Variants in PCDHA7 observed in about 807,000 individuals in gnomAD.
PCDHA7 encodes protocadherin alpha-7.
Under a neutral mutation model 57.2 loss-of-function variants are expected in PCDHA7, and 37 were observed. That is an observed-to-expected ratio of 0.65 (90% CI 0.50 to 0.85). The LOEUF is 0.85. Ranked by LOEUF, PCDHA7 falls within the 40% of genes least tolerant of loss-of-function variation. The probability of loss-of-function intolerance (pLI) is 0.00; values close to 1 mark genes in which losing one functional copy is unlikely to be tolerated. For synonymous variants in PCDHA7, 553 were observed against 558.8 expected (o/e 0.99, Z 0.15); for missense variants, 1,188 against 1,241.8 (o/e 0.96, Z 0.65).
At chr5:140,902,085 GT>G (rs1225919893) in intron 1 of PCDHA7, among the ~76,000 whole-genome samples, 1 of 151,518 alleles carries the variant, frequency 6.6e-6, no homozygotes, top group African/African-American at 2.4e-5. Context: ...TGTTTTAATA[GT>G]TTTTTGGAGT....
intron 3 of PCDHA7, among the ~76,000 whole-genome samples, chr5:140,987,362 A>G (rs1490856237): frequency 6.6e-6 from 1 of 152,208 alleles, no homozygotes; most frequent in Non-Finnish European, 1.5e-5. Flanking sequence ...AGGTTGTCTT[A>G]TATCATTACA....
chr5:140,927,272 G>A lies in PCDHA7; in HGVS notation c.2356-51677G>A, dbSNP rs782403423. 3.7e-6 allele frequency: 6 copies of A among 1,613,966 alleles called. No homozygotes were observed. Among genetic ancestry groups the A allele is most frequent in the African/African-American group, 1.3e-5 (1 of 74,910 alleles). ...GACAACTCACCTCTCTTTCCTGCCG[G>A]CGACGTGCAGCTGCACATCCCCGAG... On this transcript the variant is annotated intron_variant, in intron 1 of 3. Transcript: ENST00000525929.
chr5:140,962,944 G>T (rs572517623), intron 1 of PCDHA7, among the ~76,000 whole-genome samples: 1 of 152,158 alleles, frequency 6.6e-6, no homozygotes, highest in East Asian at 1.9e-4. Flanking sequence ...CTCTCCATAA[G>T]ATATGCTCTA....
rs200732213 is a variant in PCDHA7, at chr5:140,863,214, A to G, written c.2355+26476A>G. On this transcript the variant is annotated intron_variant, in intron 1 of 3. Transcript: ENST00000525929. ...TGGCGTCGCTGGCGGAGAGCAGCCA[A>G]GCGAGGAAGGTCCCATCGCGGGCTT... The G allele has an allele frequency of 2.6e-3, 2,761 of 1,068,920 alleles. 12 individuals carry two copies. The highest frequency in any genetic ancestry group is 9.8e-3 in the Middle Eastern group (44 of 4,506). The allele number at this position is 1,068,920 out of a possible 1,614,324, so 66.2% of individuals were successfully genotyped here. A position where few individuals can be genotyped will look rare whatever the true frequency, so the allele number is the denominator to read the frequency against.
chr5:140,875,806 A>G, intron 1 of PCDHA7: 1 of 1,614,204 alleles, frequency 6.2e-7, no homozygotes, highest in African/African-American at 1.3e-5. Context: ...GATCGTGGAC[A>G]GGCCGCTGCA....
At chr5:140,999,049 A>G (rs962383659) in intron 3 of PCDHA7, among the ~76,000 whole-genome samples, 2 of 152,332 alleles carry the variant, frequency 1.3e-5, no homozygotes, top group Non-Finnish European at 2.9e-5. Context: ...TGTGCTTTCC[A>G]CCATGCCTAA....
intron 3 of PCDHA7, among the ~76,000 whole-genome samples, chr5:140,990,589 C>G (rs1208213426): frequency 6.6e-6 from 1 of 152,196 alleles, no homozygotes; most frequent in African/African-American, 2.4e-5. Flanking sequence ...TTCCTATAAT[C>G]ACCTGGAGTC....
At chr5:140,850,010 G>C in intron 1 of PCDHA7, 1 of 1,597,002 alleles carries the variant, frequency 6.3e-7, no homozygotes. Flanking sequence ...GCTCGCTGTC[G>C]AGCTACGTGT....
intron 3 of PCDHA7, among the ~76,000 whole-genome samples, chr5:140,995,291 G>A (rs958346050): frequency 1.4e-4 from 22 of 152,086 alleles, no homozygotes; most frequent in African/African-American, 4.6e-4. Flanking sequence ...ACAGCCAGTC[G>A]GATACCAAGA....
intron 1 of PCDHA7, among the ~76,000 whole-genome samples, chr5:140,976,091 C>CAACTTTTCAA (rs2096700073): frequency 6.6e-6 from 1 of 152,166 alleles, no homozygotes; most frequent in Non-Finnish European, 1.5e-5. Flanking sequence ...TATCAGTAGT[C>CAACTTTTCAA]AACTTTTCAA....
intron 1 of PCDHA7, among the ~76,000 whole-genome samples, chr5:140,964,144 C>A (rs970079716): frequency 6.6e-6 from 1 of 152,138 alleles, no homozygotes; most frequent in African/African-American, 2.4e-5. Context: ...TTGGCAGGAG[C>A]CTCAGTATAA....
intron 1 of PCDHA7, among the ~76,000 whole-genome samples, chr5:140,892,759 T>C (rs1422670120): frequency 2.0e-5 from 3 of 152,206 alleles, no homozygotes; most frequent in African/African-American, 4.8e-5. Context: ...ACATTTAAAA[T>C]CCACTCTTCT....
In PCDHA7 at chr5:140,835,399, A is replaced by T. The variant is rs1562344982; in HGVS notation, c.1016A>T (p.Glu339Val). 1 of 1,613,824 alleles carries T rather than the reference A, an allele frequency of 6.2e-7. No individual in the cohort carries two copies. The highest frequency in any genetic ancestry group is 8.5e-7 in the Non-Finnish European group (1 of 1,179,874). Residue 339 changes from glutamate to valine, a missense_variant, in exon 1 of 4, where the codon GAA becomes GTA. By Grantham distance (121) the Glu-to-Val change is moderately radical. Around this residue, in one of 3 missense-constraint regions of PCDHA7, gnomAD observed 102 missense variants for 267.4 expected, o/e 0.38. Transcript: ENST00000525929. ...PLAGHCTVLV[E>V]VVDVNDNAPQ... is the part of the protein sequence containing the mutation. ...GCTGGTCATTGTACAGTTCTTGTGGAAGTTGTGGATGTAAATGACAATGCT... is the reference window on the plus strand; with the variant it reads ...GCTGGTCATTGTACAGTTCTTGTGGTAGTTGTGGATGTAAATGACAATGCT...
At chr5:140,908,804 T>C (rs1157142483) in intron 1 of PCDHA7, among the ~76,000 whole-genome samples, 2 of 152,162 alleles carry the variant, frequency 1.3e-5, no homozygotes, top group African/African-American at 4.8e-5. Context: ...CATTAAAAAG[T>C]GAGAGCCTTT....
At chr5:140,844,829 G>A (rs1252495421) in intron 1 of PCDHA7, among the ~76,000 whole-genome samples, 1 of 148,848 alleles carries the variant, frequency 6.7e-6, no homozygotes, top group East Asian at 1.9e-4. Flanking sequence ...CTTTTTACAC[G>A]TTTGCTTCTT....
At chr5:140,890,830 A>G (rs903756043) in intron 1 of PCDHA7, among the ~76,000 whole-genome samples, 1 of 152,182 alleles carries the variant, frequency 6.6e-6, no homozygotes, top group Non-Finnish European at 1.5e-5. Context: ...GTACTTACAT[A>G]TTTACCAGTT....
chr5:141,009,606 T>C (rs2098413036), intron 3 of PCDHA7, 21 bp from the exon 4 acceptor site: 1 of 1,609,858 alleles, frequency 6.2e-7, no homozygotes, highest in Non-Finnish European at 8.5e-7. Flanking sequence ...TGTTAATGAT[T>C]TGTAATGTTT....
At chr5:140,940,717 G>T (rs1554213570) in intron 1 of PCDHA7, among the ~76,000 whole-genome samples, 1 of 152,130 alleles carries the variant, frequency 6.6e-6, no homozygotes, top group African/African-American at 2.4e-5. Flanking sequence ...GCTGTGTGCT[G>T]TTTCAGCTGG....
rs2150247452 is a variant in PCDHA7, at chr5:140,835,884, G to C, written c.1501G>C (p.Glu501Gln). Reference protein sequence around the residue: ...SYSLVELRVGERALSSYVSVH... With the variant: ...SYSLVELRVGQRALSSYVSVH... ...CTCGCTGGTGGAGCTGCGGGTGGGC[G>C]AGCGCGCGCTGTCGAGCTACGTGTC... Residue 501 changes from glutamate to glutamine, a missense_variant, in exon 1 of 4, where the codon GAG becomes CAG. Glu to Gln is a conservative substitution (Grantham distance 29). Coordinates refer to ENST00000525929, the MANE Select transcript of PCDHA7 (RefSeq NM_018910.3). 57 of 1,611,848 alleles carry C rather than the reference G, an allele frequency of 3.5e-5. No individual in the cohort carries two copies. The highest frequency in any genetic ancestry group is 3.3e-5 in the Non-Finnish European group (39 of 1,179,644).
Sources: allele counts gnomAD v4.1 joint callset (sites outside exome capture counted in the v4.1 genomes callset), GRCh38; gene constraint gnomAD v4.1.1; regional missense constraint gnomAD v4.1.1; transcripts MANE v1.5; gene names NCBI Gene and HGNC (gene_info 2026-07-23, HGNC 2026-07-21).